Variants in EPHA7 observed in about 807,000 individuals in gnomAD.
EPHA7 encodes ephrin type-A receptor 7.
In EPHA7, 25 loss-of-function variants were observed where a neutral mutation model predicts 112.6. The ratio of observed to expected loss-of-function variants is 0.22; its 90% CI spans 0.16 to 0.31. EPHA7 has a LOEUF of 0.31. Among genes scored for constraint, EPHA7 ranks in the 10% least tolerant of loss-of-function variants. The pLI is 1.00. For missense variants in EPHA7, 962 were observed against 1,212.6 expected (o/e 0.79, Z 3.07); for synonymous variants, 437 against 406.5 (o/e 1.07, Z -0.90).
rs978191802 is a variant in EPHA7 at position 93,396,812 on chromosome 6, G to A, written c.832+13689C>T. Among the ~76,000 whole-genome samples the A allele has an allele frequency of 2.0e-5, 3 of 151,580 alleles. No individual in the cohort carries two copies. The Admixed American group carries it at 2.0e-4, about 10-fold the overall frequency. On this transcript the variant is annotated intron_variant, in intron 3 of 16. Coordinates refer to ENST00000369303, the MANE Select transcript of EPHA7 (RefSeq NM_004440.4). ...ATGTATGCAACATAAATATAAATAT[G>A]ACAATCCCCAGTACAAATGGGGAAA...
chr6:93,274,559 C>T (rs978466379), intron 5 of EPHA7, among the ~76,000 whole-genome samples: 7 of 151,952 alleles, frequency 4.6e-5, no homozygotes, highest in African/African-American at 9.6e-5. Flanking sequence ...TATGCTGCAA[C>T]GTATTTTCCC....
At chr6:93,338,087 C>T (rs991523185) in intron 5 of EPHA7, among the ~76,000 whole-genome samples, 9 of 152,126 alleles carry the variant, frequency 5.9e-5, no homozygotes, top group South Asian at 2.1e-4. Flanking sequence ...AGAATATCAT[C>T]ATGTTGCCCC....
Position 93,410,365 on chromosome 6 carries a change from A to T in EPHA7, c.832+136T>A, listed in dbSNP as rs1778915375. The T allele has an allele frequency of 2.7e-6, 2 of 746,126 alleles. No homozygotes were observed. Among genetic ancestry groups the T allele is most frequent in the African/African-American group, 3.5e-5 (2 of 56,870 alleles). The allele number at this position is 746,126 out of a possible 1,614,324, so 46.2% of individuals were successfully genotyped here. Reference sequence around the variant, plus strand: ...AGGGCAATCACTAAGTTCAACGGTGACTTTGTTTAAGATCTACTGAATTGC... The same window carrying T: ...AGGGCAATCACTAAGTTCAACGGTGTCTTTGTTTAAGATCTACTGAATTGC... On this transcript the variant is annotated intron_variant, in intron 3 of 16. Coordinates refer to ENST00000369303, the MANE Select transcript of EPHA7 (RefSeq NM_004440.4). This position sits in a 1 kb window ranked among gnomAD's most constrained non-coding sequence, Gnocchi z 4.0.
At chr6:93,276,707 C>T (rs187877734) in intron 5 of EPHA7, among the ~76,000 whole-genome samples, 3 of 152,020 alleles carry the variant, frequency 2.0e-5, no homozygotes, top group East Asian at 1.9e-4. Flanking sequence ...ATTTAAATAA[C>T]GTGATATTAA....
chr6:93,262,095 T>C (rs888558911), intron 9 of EPHA7, among the ~76,000 whole-genome samples: 7 of 151,510 alleles, frequency 4.6e-5, no homozygotes, highest in Non-Finnish European at 1.0e-4. Flanking sequence ...GGACCAGGGA[T>C]TTCAGGAACT....
chr6:93,328,795 A>T (rs898037115), intron 5 of EPHA7, among the ~76,000 whole-genome samples: 1 of 151,438 alleles, frequency 6.6e-6, no homozygotes, highest in African/African-American at 2.4e-5. Context: ...AATAATAGGG[A>T]GAAAGAGGAA....
chr6:93,267,890 G>A (rs930989619), intron 7 of EPHA7, among the ~76,000 whole-genome samples: 2 of 151,778 alleles, frequency 1.3e-5, no homozygotes, highest in Non-Finnish European at 3.0e-5. Context: ...TTGGGTAAAT[G>A]TGAGATAACT....
chr6:93,290,227 A>T (rs1772290405), intron 5 of EPHA7, among the ~76,000 whole-genome samples: 2 of 152,112 alleles, frequency 1.3e-5, no homozygotes, highest in South Asian at 4.1e-4. Context: ...GACATATAAA[A>T]TATGAACAAA....
At chr6:93,267,881 T>C (rs895836917) in intron 7 of EPHA7, among the ~76,000 whole-genome samples, 2 of 151,740 alleles carry the variant, frequency 1.3e-5, no homozygotes, top group Non-Finnish European at 2.9e-5. Flanking sequence ...AAGGAATGGT[T>C]GGGTAAATGT....
At chr6:93,282,500 CCTCA>C (rs1434272761) in intron 5 of EPHA7, among the ~76,000 whole-genome samples, 1 of 152,244 alleles carries the variant, frequency 6.6e-6, no homozygotes, top group Non-Finnish European at 1.5e-5. Flanking sequence ...CCCTCGCAGC[CCTCA>C]CTCACTCTTG....
intron 10 of EPHA7, 24 bp downstream of exon 10, chr6:93,259,330 A>G: frequency 6.2e-7 from 1 of 1,609,874 alleles, no homozygotes; most frequent in South Asian, 1.1e-5. Context: ...GAACAGCTGA[A>G]CGAGGAAGCT....
intron 5 of EPHA7, among the ~76,000 whole-genome samples, chr6:93,340,526 T>C (rs1346610552): frequency 1.3e-5 from 2 of 151,814 alleles, no homozygotes; most frequent in Admixed American, 6.6e-5. Flanking sequence ...TTTGTACTTT[T>C]AGACTGGGAA....
At chr6:93,397,399 G>C (rs1165416642) in intron 3 of EPHA7, among the ~76,000 whole-genome samples, 2 of 151,780 alleles carry the variant, frequency 1.3e-5, no homozygotes, top group African/African-American at 4.8e-5. Flanking sequence ...GAAGCACCAG[G>C]AACCCAGTTT....
intron 3 of EPHA7, among the ~76,000 whole-genome samples, chr6:93,359,862 G>GAT (rs1776156994): frequency 1.0e-5 from 1 of 100,328 alleles, no homozygotes; most frequent in Non-Finnish European, 2.1e-5. Flanking sequence ...GATAGAGAGA[G>GAT]AGAGAGAGAG....
At chr6:93,400,870 T>C (rs568100623) in intron 3 of EPHA7, among the ~76,000 whole-genome samples, 64 of 152,250 alleles carry the variant, frequency 4.2e-4, no homozygotes, top group Non-Finnish European at 7.9e-4. Flanking sequence ...GACTAGGTTA[T>C]ACTAATGTAA....
chr6:93,332,813 G>A (rs1201823725), intron 5 of EPHA7, among the ~76,000 whole-genome samples: 1 of 151,626 alleles, frequency 6.6e-6, no homozygotes, highest in Non-Finnish European at 1.5e-5. Context: ...TTAAACATAA[G>A]AAATGCTGGC....
At chr6:93,387,207 C>T (rs1777650870) in intron 3 of EPHA7, among the ~76,000 whole-genome samples, 2 of 152,038 alleles carry the variant, frequency 1.3e-5, no homozygotes, top group African/African-American at 4.8e-5. Context: ...GCCAGATACC[C>T]TAAATCATCT....
In EPHA7 at chr6:93,411,022, A is replaced by C. The variant is rs1158714216; in HGVS notation, c.311T>G (p.Phe104Cys). ...NAQRIFVELK[F>C]TLRDCNSLPG... ...AAGACTGTTACAATCCCTCAGGGTG[A>C]ATTTCAATTCTACAAAAATCCTTTG... Residue 104 changes from phenylalanine (F) to cysteine (C), a missense_variant, in exon 3 of 17, where the codon TTC becomes TGC. Coordinates refer to ENST00000369303, the MANE Select transcript of EPHA7 (RefSeq NM_004440.4). 1 of 1,614,076 alleles carries C rather than the reference A, an allele frequency of 6.2e-7. No homozygotes were observed. Among genetic ancestry groups the C allele is most frequent in the Non-Finnish European group, 8.5e-7 (1 of 1,179,978 alleles).
chr6:93,390,254 T>C (rs1039031683), intron 3 of EPHA7, among the ~76,000 whole-genome samples: 2 of 146,182 alleles, frequency 1.4e-5, no homozygotes, highest in Non-Finnish European at 3.0e-5. Flanking sequence ...AAAAAAAAGG[T>C]GAATGAAAGT....
Sources: gnomAD v4.1 joint callset for allele counts (sites outside exome capture counted in the v4.1 genomes callset) on GRCh38, gnomAD v4.1.1 for gene constraint, Gnocchi (gnomAD v3.1) non-coding constraint, MANE v1.5 for transcripts, NCBI Gene and HGNC (gene_info 2026-07-23, HGNC 2026-07-21) for gene names.